Variants in PHEX observed in about 807,000 individuals in gnomAD.
PHEX encodes phosphate regulating endopeptidase X-linked, also known as phosphate-regulating neutral endopeptidase PHEX.
A neutral mutation model predicts 68.0 loss-of-function variants in PHEX; 16 were observed. The observed-to-expected ratio is 0.24, with a 90% confidence interval of 0.16 to 0.36. PHEX has a LOEUF of 0.36. PHEX is among the 10% of genes least tolerant of loss of function. The pLI is 1.00. For missense variants in PHEX, 480 were observed against 575.5 expected (o/e 0.83, Z 1.70); for synonymous variants, 208 against 205.1 (o/e 1.01, Z -0.12).
At chrX:22,231,237 T>G (rs1935723872) in intron 20 of PHEX, among the ~76,000 whole-genome samples, 2 of 112,226 alleles carry the variant, frequency 1.8e-5, no homozygotes, top group South Asian at 3.7e-4. Flanking sequence ...TTTCTTTTTT[T>G]TTGTTGTGTC....
At chrX:22,200,730 A>G (rs1392022029) in intron 15 of PHEX, among the ~76,000 whole-genome samples, 7 of 111,836 alleles carry the variant, frequency 6.3e-5, no homozygotes, top group Non-Finnish European at 1.1e-4. Flanking sequence ...TCACCCCCTC[A>G]CCCATGCTGC....
intron 3 of PHEX, among the ~76,000 whole-genome samples, chrX:22,065,040 T>C (rs1928533281): frequency 8.9e-6 from 1 of 112,588 alleles, no homozygotes; most frequent in African/African-American, 3.2e-5. Flanking sequence ...ACATTCCATG[T>C]AAAAAGGCAC....
intron 7 of PHEX, 140 bp from the exon 8 acceptor site, chrX:22,096,815 C>T (rs1224143078): frequency 1.8e-5 from 9 of 493,407 alleles, no homozygotes; most frequent in Admixed American, 1.0e-4. Flanking sequence ...GTCTTTTTTT[C>T]TCTTCCCCGA....
At chrX:22,098,754 T>C (rs931071980) in intron 8 of PHEX, among the ~76,000 whole-genome samples, 20 of 82,015 alleles carry the variant, frequency 2.4e-4, no homozygotes, top group Non-Finnish European at 4.3e-4. Flanking sequence ...GCCAAGATCA[T>C]GCCACTGCAC....
At chrX:22,219,305 CG>C (rs1227011565) in intron 17 of PHEX, among the ~76,000 whole-genome samples, 1 of 112,404 alleles carries the variant, frequency 8.9e-6, no homozygotes, top group East Asian at 2.8e-4. Context: ...CATTGGTGAT[CG>C]GGGTAGACTT....
chrX:22,243,774 A>T (rs993428642), intron 20 of PHEX, among the ~76,000 whole-genome samples: 1 of 112,313 alleles, frequency 8.9e-6, no homozygotes, highest in African/African-American at 3.2e-5. Context: ...TTGGAAAGCC[A>T]GGAAACAACA....
At chrX:22,144,374 T>G (rs1425464069) in intron 12 of PHEX, among the ~76,000 whole-genome samples, 1 of 111,798 alleles carries the variant, frequency 8.9e-6, no homozygotes, top group African/African-American at 3.2e-5. Context: ...ACTTTGCCTC[T>G]AATATTTAAA....
intron 3 of PHEX, among the ~76,000 whole-genome samples, chrX:22,062,395 C>T (rs913338381): frequency 8.9e-6 from 1 of 111,791 alleles, no homozygotes; most frequent in African/African-American, 3.3e-5. Context: ...AAAAAGTAAA[C>T]GTGTCAGCAG....
At chrX:22,213,873 G>A (rs1219487254) in intron 16 of PHEX, among the ~76,000 whole-genome samples, 1 of 112,178 alleles carries the variant, frequency 8.9e-6, no homozygotes, top group African/African-American at 3.2e-5. Context: ...GGGCTTTCCC[G>A]GTAGCAGACC....
chrX:22,075,076 CAA>C (rs34459808), intron 3 of PHEX, among the ~76,000 whole-genome samples: 3 of 89,635 alleles, frequency 3.3e-5, no homozygotes. Context: ...TACTCTGTTT[CAA>C]AAAAAAAAAA....
chrX:22,224,243 G>A (rs34856496), intron 18 of PHEX, among the ~76,000 whole-genome samples: 38,668 of 110,734 alleles, frequency 0.35, 5,218 homozygotes, highest in African/African-American at 0.42. Context: ...CCAGCCTCCC[G>A]AAGTGCTGGG....
At chrX:22,077,344 A>G in intron 4 of PHEX, 132 bp from the exon 5 acceptor site, 1 of 576,290 alleles carries the variant, frequency 1.7e-6, no homozygotes, top group Non-Finnish European at 3.1e-6. Flanking sequence ...CACCTCTTTT[A>G]CCTACTCCCT....
intron 15 of PHEX, among the ~76,000 whole-genome samples, chrX:22,209,087 G>A (rs758608696): frequency 1.8e-5 from 2 of 111,697 alleles, no homozygotes; most frequent in South Asian, 7.5e-4. Flanking sequence ...TGAGTTTTTG[G>A]GTAGTGGCGG....
intron 3 of PHEX, among the ~76,000 whole-genome samples, chrX:22,052,517 C>T (rs776402618): frequency 3.6e-5 from 4 of 111,922 alleles, no homozygotes; most frequent in African/African-American, 1.3e-4. Flanking sequence ...TGTGAGCTAC[C>T]GTACTCAGCC....
chrX:22,179,838 T>C (rs1933828721), intron 14 of PHEX, among the ~76,000 whole-genome samples: 1 of 111,606 alleles, frequency 9.0e-6, no homozygotes, highest in East Asian at 2.8e-4. Context: ...AAATCTAATA[T>C]GTGGGCTCAA....
intron 14 of PHEX, among the ~76,000 whole-genome samples, chrX:22,185,583 T>A (rs1482668503): frequency 9.0e-6 from 1 of 111,449 alleles, no homozygotes; most frequent in African/African-American, 3.3e-5. Context: ...TCTGGGAAGA[T>A]TCAGCCCATT....
intron 2 of PHEX, among the ~76,000 whole-genome samples, chrX:22,045,420 T>C (rs1184307299): frequency 1.8e-5 from 2 of 112,252 alleles, no homozygotes; most frequent in Non-Finnish European, 3.8e-5. Flanking sequence ...AATCAATTGG[T>C]ACATAACTTT....
chrX:22,119,516 G>T (rs145289087), intron 11 of PHEX, among the ~76,000 whole-genome samples: 1 of 110,762 alleles, frequency 9.0e-6, no homozygotes, highest in Non-Finnish European at 1.9e-5. Flanking sequence ...TTGTGTTCAG[G>T]AAGGATGTCT....
intron 16 of PHEX, among the ~76,000 whole-genome samples, chrX:22,216,637 A>G (rs1482846298): frequency 1.8e-5 from 2 of 109,934 alleles, no homozygotes; most frequent in African/African-American, 6.6e-5. Context: ...TTCCTCCCTC[A>G]GTCTCCCAAG....
Sources: allele counts gnomAD v4.1 joint callset (sites outside exome capture counted in the v4.1 genomes callset), GRCh38; gene constraint gnomAD v4.1.1; transcripts MANE v1.5; gene names NCBI Gene and HGNC (gene_info 2026-07-23, HGNC 2026-07-21).